ENOX1: variants seen among roughly 807,000 people sequenced by gnomAD.
The protein encoded by ENOX1 is candidate growth-related and time keeping constitutive hydroquinone (NADH) oxidase.
Under a neutral mutation model 82.5 loss-of-function variants are expected in ENOX1, and 42 were observed. That is an observed-to-expected ratio of 0.51 (90% CI 0.40 to 0.66). The LOEUF (loss-of-function observed/expected upper bound fraction) is 0.66, where lower values mean the gene tolerates loss of function less well. Among genes scored for constraint, ENOX1 ranks in the 30% least tolerant of loss-of-function variants. The pLI is 0.00. For synonymous variants in ENOX1, 271 were observed against 282.2 expected, an observed-to-expected ratio of 0.96 and a Z score of 0.40; for missense variants, 608 against 811.6, an observed-to-expected ratio of 0.75 and a Z score of 3.05.
At chr13:43,687,909 A>G (rs79549488) in intron 1 of ENOX1, among the ~76,000 whole-genome samples, 1,920 of 152,242 alleles carry the variant, frequency 0.013, 42 homozygotes, top group African/African-American at 0.043. Flanking sequence ...GACCTGAGAG[A>G]TAAGTGAGAC....
At chr13:43,476,204 T>G (rs2058277400) in intron 3 of ENOX1, among the ~76,000 whole-genome samples, 1 of 152,142 alleles carries the variant, frequency 6.6e-6, no homozygotes, top group Non-Finnish European at 1.5e-5. Context: ...AAAAAAGATT[T>G]ATTGAGCACA....
intron 1 of ENOX1, among the ~76,000 whole-genome samples, chr13:43,699,668 G>A (rs2086815212): frequency 6.6e-6 from 1 of 152,182 alleles, no homozygotes; most frequent in South Asian, 2.1e-4. Context: ...GAATATTTAG[G>A]GCTTGAAGTA....
chr13:43,693,662 C>CA (rs1273476256), intron 1 of ENOX1, among the ~76,000 whole-genome samples: 2 of 152,102 alleles, frequency 1.3e-5, no homozygotes. Flanking sequence ...TCTTTTGTCA[C>CA]AAAAAATGTT....
At chr13:43,589,966 A>G (rs893265276) in intron 2 of ENOX1, among the ~76,000 whole-genome samples, 9 of 152,066 alleles carry the variant, frequency 5.9e-5, no homozygotes, top group African/African-American at 1.9e-4. Context: ...TCAGCCAAGT[A>G]TGAGCTCACA....
intron 5 of ENOX1, among the ~76,000 whole-genome samples, chr13:43,379,113 G>A (rs1924629): frequency 0.87 from 131,779 of 152,096 alleles, 58,334 homozygotes; most frequent in Non-Finnish European, 0.95. Context: ...CTCCTCTGGA[G>A]CCTCCAGAAA....
intron 1 of ENOX1, among the ~76,000 whole-genome samples, chr13:43,691,771 G>T (rs1427401099): frequency 6.6e-6 from 1 of 151,238 alleles, no homozygotes; most frequent in Non-Finnish European, 1.5e-5. Context: ...CGCGATCTTG[G>T]CTCACTGCAA....
At chr13:43,658,876 A>G (rs2084576688) in intron 2 of ENOX1, among the ~76,000 whole-genome samples, 1 of 152,174 alleles carries the variant, frequency 6.6e-6, no homozygotes, top group African/African-American at 2.4e-5. Context: ...AGTGTTGTAA[A>G]GTTTCATGAT....
intron 2 of ENOX1, among the ~76,000 whole-genome samples, chr13:43,661,451 G>C (rs2084724630): frequency 1.3e-5 from 2 of 152,210 alleles, no homozygotes; most frequent in Middle Eastern, 3.4e-3. Context: ...CAAGTAGTAG[G>C]GAATGAACTC....
At chr13:43,486,911 G>A (rs1342778484) in intron 2 of ENOX1, among the ~76,000 whole-genome samples, 8 of 152,210 alleles carry the variant, frequency 5.3e-5, no homozygotes, top group South Asian at 2.1e-4. Flanking sequence ...AGTGGCTCAC[G>A]CCTATAATCC....
At chr13:43,721,479 C>T (rs1161433246) in intron 1 of ENOX1, among the ~76,000 whole-genome samples, 1 of 142,706 alleles carries the variant, frequency 7.0e-6, no homozygotes, top group South Asian at 2.2e-4. Context: ...CCCGGGTTCA[C>T]GCCATTCTCC....
chr13:43,470,377 C>CACATATATAAGTATATATATGT (rs1555290142), intron 3 of ENOX1, among the ~76,000 whole-genome samples: 1 of 27,056 alleles, frequency 3.7e-5, no homozygotes, highest in African/African-American at 1.3e-4. Context: ...TATATATATA[C>CACATATATAAGTATATATATGT]ATATATATAC....
chr13:43,696,276 G>A lies in ENOX1; in HGVS notation c.-284-28732C>T, dbSNP rs373547334. Among the ~76,000 whole-genome samples, 298 of 152,260 alleles carry A rather than the reference G, an allele frequency of 2.0e-3. 6 individuals are homozygous for A. In the South Asian group the frequency reaches 0.028, roughly 14 times the overall value. ...TATGAACATTCATGTACAGGTACTTGTATGGAAATATGTTTTCAGTTCTCT... is the reference window on the plus strand; with the variant it reads ...TATGAACATTCATGTACAGGTACTTATATGGAAATATGTTTTCAGTTCTCT... On this transcript the variant is annotated intron_variant, in intron 1 of 16. Coordinates refer to ENST00000690772, the MANE Select transcript of ENOX1 (RefSeq NM_001347969.2).
intron 2 of ENOX1, among the ~76,000 whole-genome samples, chr13:43,662,249 T>C (rs1379067956): frequency 6.6e-6 from 1 of 152,224 alleles, no homozygotes; most frequent in Non-Finnish European, 1.5e-5. Flanking sequence ...GATTACGGTC[T>C]TTTGAGCTCA....
intron 1 of ENOX1, among the ~76,000 whole-genome samples, chr13:43,736,967 G>A (rs2153824785): frequency 6.6e-6 from 1 of 152,248 alleles, no homozygotes; most frequent in South Asian, 2.1e-4. Flanking sequence ...TGAACCAACT[G>A]AACCGGAAGA....
intron 1 of ENOX1, among the ~76,000 whole-genome samples, chr13:43,780,018 G>A (rs1226108225): frequency 1.3e-5 from 2 of 152,042 alleles, no homozygotes; most frequent in Non-Finnish European, 2.9e-5. Flanking sequence ...AAAATTAGCT[G>A]GGCATGGTGG....
Position 43,398,361 on chromosome 13 carries a change from AT to A in ENOX1, c.208+13554del, listed in dbSNP as rs563614252. On this transcript the variant is annotated intron_variant, in intron 5 of 16. Transcript: ENST00000690772. ...CTACCCATTCCAAGGCCAAATGAGG[AT>A]TTTTTTGTTTGTTTCTCCACCAGCC... Among the ~76,000 whole-genome samples, 148 of 152,166 alleles carry A rather than the reference AT, an allele frequency of 9.7e-4. 1 individual carries two copies. The highest frequency in any genetic ancestry group is 3.5e-3 in the African/African-American group (145 of 41,498).
At chr13:43,721,455 T>C (rs57720419) in intron 1 of ENOX1, among the ~76,000 whole-genome samples, 6,094 of 136,012 alleles carry the variant, frequency 0.045, 118 homozygotes, top group East Asian at 0.068. Flanking sequence ...CTCGGCTCAC[T>C]GCAAGCTCCG....
chr13:43,643,801 T>G (rs969183324), intron 2 of ENOX1, among the ~76,000 whole-genome samples: 1 of 152,176 alleles, frequency 6.6e-6, no homozygotes, highest in African/African-American at 2.4e-5. Context: ...TTATCTTCCA[T>G]CATGTGTTAA....
intron 5 of ENOX1, among the ~76,000 whole-genome samples, chr13:43,366,918 C>A (rs1379329346): frequency 1.3e-5 from 2 of 152,132 alleles, no homozygotes; most frequent in Admixed American, 6.5e-5. Flanking sequence ...TAAATGGTAG[C>A]AATTACATAC....
Sources: gnomAD v4.1 joint callset for allele counts (sites outside exome capture counted in the v4.1 genomes callset) on GRCh38, gnomAD v4.1.1 for gene constraint, MANE v1.5 for transcripts, NCBI Gene and HGNC (gene_info 2026-07-23, HGNC 2026-07-21) for gene names.